Variants in C17orf99 observed in about 807,000 individuals in gnomAD.
C17orf99 encodes the protein protein IL-40.
In C17orf99, 18 loss-of-function variants were observed where a neutral mutation model predicts 22.6. The observed-to-expected ratio is 0.80, with a 90% CI of 0.55 to 1.18. The LOEUF is 1.18. C17orf99 is among the 50% of genes most tolerant of loss of function. C17orf99 has a pLI of 0.00. For synonymous variants in C17orf99, 147 were observed against 136.6 expected, an observed-to-expected ratio of 1.08 and a Z score of -0.53; for missense variants, 328 against 342.7, an observed-to-expected ratio of 0.96 and a Z score of 0.34.
chr17:78,157,868 G>A lies in C17orf99; in HGVS notation c.71-3087G>A, dbSNP rs567713866. 13 of 1,062,654 alleles carry A rather than the reference G, an allele frequency of 1.2e-5. No homozygotes were observed. The African/African-American group carries it at 1.4e-4, about 11-fold the overall frequency. 65.8% of individuals were successfully genotyped at this position (1,062,654 alleles called of 1,614,324 possible). On this transcript the variant is annotated intron_variant, in intron 2 of 4. Transcript: ENST00000340363. ...CAAAGGCCGGCCACGTAAGATCGTC[G>A]AGATGTCTACTTCGATGACTGGCAA... is the stretch of plus-strand genomic sequence containing the variant.
chr17:78,145,873 G>A (rs2075434225), upstream of C17orf99, among the ~76,000 whole-genome samples: 3 of 145,582 alleles, frequency 2.1e-5, no homozygotes, highest in Non-Finnish European at 4.4e-5. Flanking sequence ...TTGGCTCACT[G>A]CAACCTCCGC....
In C17orf99 at chr17:78,160,737, C is replaced by A. The variant is rs1453757536; in HGVS notation, c.71-218C>A. The A allele has an allele frequency of 5.4e-6, 3 of 556,944 alleles. No individual in the cohort carries two copies. In the South Asian group the frequency reaches 6.3e-5, roughly 12 times the overall value. The allele number at this position is 556,944 out of a possible 1,614,324, so 34.5% of individuals were successfully genotyped here. A position where few individuals can be genotyped will look rare whatever the true frequency, so the allele number is the denominator to read the frequency against. On this transcript the variant is annotated intron_variant, in intron 2 of 4. Coordinates refer to ENST00000340363, the MANE Select transcript of C17orf99 (RefSeq NM_001163075.2). The stretch of plus-strand genomic sequence containing the variant: ...TAGCAGGGATTACAGGTGGGCACCA[C>A]CACGCCCGGCTAATTTTTGTATTTT...
At chr17:78,149,362 G>T (rs1235618849) in intron 2 of C17orf99, among the ~76,000 whole-genome samples, 1 of 132,616 alleles carries the variant, frequency 7.5e-6, no homozygotes. Flanking sequence ...AAAAAAAAAA[G>T]GCGCCAGTCC....
upstream of C17orf99, among the ~76,000 whole-genome samples, chr17:78,146,034 C>T (rs1456346908): frequency 2.0e-5 from 3 of 152,244 alleles, no homozygotes; most frequent in African/African-American, 7.2e-5. The surrounding 1 kb of genome is among the most constrained non-coding windows in gnomAD (Gnocchi z 5.2). Flanking sequence ...GTGATCCGCC[C>T]ATCCAGGCCT....
chr17:78,160,740 C>G, intron 2 of C17orf99: 1 of 559,514 alleles, frequency 1.8e-6, no homozygotes, highest in South Asian at 2.1e-5. Flanking sequence ...GGCACCACCA[C>G]GCCCGGCTAA....
intron 2 of C17orf99, among the ~76,000 whole-genome samples, chr17:78,159,344 A>G (rs1282379578): frequency 6.6e-6 from 1 of 152,062 alleles, no homozygotes; most frequent in African/African-American, 2.4e-5. Context: ...CTTTAAATAA[A>G]TAAATAAAAG....
At chr17:78,155,046 G>C (rs1034787360) in intron 2 of C17orf99, among the ~76,000 whole-genome samples, 8 of 151,956 alleles carry the variant, frequency 5.3e-5, no homozygotes, top group Non-Finnish European at 1.2e-4. Context: ...CATTCTTCGC[G>C]GTGGGGGCTG....
chr17:78,153,217 G>C (rs1268049164), intron 2 of C17orf99, among the ~76,000 whole-genome samples: 1 of 152,108 alleles, frequency 6.6e-6, no homozygotes, highest in East Asian at 1.9e-4. Flanking sequence ...GGGGACGGTG[G>C]CTCACCCTGT....
intron 2 of C17orf99, among the ~76,000 whole-genome samples, chr17:78,152,312 G>A (rs1406914322): frequency 6.7e-6 from 1 of 150,056 alleles, no homozygotes; most frequent in African/African-American, 2.5e-5. Flanking sequence ...TGAGTAGCTG[G>A]TGCATACCAC....
chr17:78,162,391 T>C (rs1365907762), intron 3 of C17orf99, among the ~76,000 whole-genome samples: 1 of 151,604 alleles, frequency 6.6e-6, no homozygotes, highest in Non-Finnish European at 1.5e-5. Flanking sequence ...TCCATCCTGA[T>C]AGTAACTCAG....
At chr17:78,162,559 C>T (rs2075586389) in intron 3 of C17orf99, among the ~76,000 whole-genome samples, 2 of 152,096 alleles carry the variant, frequency 1.3e-5, no homozygotes, top group Non-Finnish European at 2.9e-5. Flanking sequence ...TGCAGCCCAA[C>T]GGGTCCAAGG....
chr17:78,157,164 T>C (rs1019409412), intron 2 of C17orf99, among the ~76,000 whole-genome samples: 2 of 151,140 alleles, frequency 1.3e-5, no homozygotes, highest in Non-Finnish European at 2.9e-5. Flanking sequence ...ACTCCGTCTC[T>C]ACTAAAAATA....
chr17:78,157,513 T>C (rs932328764), intron 2 of C17orf99: 6 of 1,144,302 alleles, frequency 5.2e-6, no homozygotes, highest in African/African-American at 1.7e-5. Context: ...AAAATGACTT[T>C]GTAGGCCGGG....
intron 2 of C17orf99, among the ~76,000 whole-genome samples, chr17:78,153,980 C>T (rs188828822): frequency 5.7e-4 from 72 of 126,552 alleles, no homozygotes; most frequent in African/African-American, 2.0e-3. Context: ...GGCTGGAGTA[C>T]AGCAGCACAA....
At chr17:78,165,286 G>GC in intron 4 of C17orf99, 2 of 986,274 alleles carry the variant, frequency 2.0e-6, no homozygotes, top group Non-Finnish European at 2.4e-6. Flanking sequence ...TCTGCCCGTG[G>GC]CCCAGGCCCT....
At chr17:78,149,987 G>A (rs528182880) in intron 2 of C17orf99, among the ~76,000 whole-genome samples, 14 of 151,638 alleles carry the variant, frequency 9.2e-5, no homozygotes, top group Non-Finnish European at 1.8e-4. Flanking sequence ...GGGATTACAG[G>A]CGAGAGCCAC....
Position 78,164,221 on chromosome 17 carries a change from G to C in C17orf99, c.497G>C (p.Gly166Ala). The C allele has an allele frequency of 6.4e-7, 1 of 1,551,560 alleles. No individual in the cohort carries two copies. The highest frequency in any genetic ancestry group is 8.7e-7 in the Non-Finnish European group (1 of 1,147,002). Residue 166 changes from glycine (G) to alanine (A), a missense_variant, in exon 4 of 5, where the codon GGG (glycine) becomes GCG (alanine). By Grantham distance (60) the Gly-to-Ala change is moderately conservative. Coordinates refer to ENST00000340363, the MANE Select transcript of C17orf99 (RefSeq NM_001163075.2). ...PITNSLIGKDGQVHLQQRPCH... is the reference protein window; with the variant it reads ...PITNSLIGKDAQVHLQQRPCH... ...ACCAACAGCCTGATCGGGAAGGATG[G>C]GCAGGTCCACCTGCAGCAGAGACCA...
At chr17:78,157,798 GAAAAAAAAAA>G (rs60891763) in intron 2 of C17orf99, 35 of 383,132 alleles carry the variant, frequency 9.1e-5, no homozygotes, top group East Asian at 4.1e-4. Flanking sequence ...CTCTGTCTCG[GAAAAAAAAAA>G]AAAAAAAAAA....
rs184112154 is a variant in C17orf99, at chr17:78,158,290, C to A, written c.71-2665C>A. The stretch of plus-strand genomic sequence containing the variant: ...TGCCCTGGTCCTAGGCTGCTGGACT[C>A]CTCCTACACATTTTTTTTTTTTGAG... On this transcript the variant is annotated intron_variant, in intron 2 of 4. Coordinates refer to ENST00000340363, the MANE Select transcript of C17orf99 (RefSeq NM_001163075.2). The A allele has an allele frequency of 1.8e-5, 8 of 437,672 alleles. No homozygotes were observed. The East Asian group carries it at 4.1e-4, about 23-fold the overall frequency. The allele number at this position is 437,672 out of a possible 1,614,324, so 27.1% of individuals were successfully genotyped here.
Sources: allele counts gnomAD v4.1 joint callset (sites outside exome capture counted in the v4.1 genomes callset), GRCh38; gene constraint gnomAD v4.1.1; non-coding constraint Gnocchi (gnomAD v3.1); transcripts MANE v1.5; gene names NCBI Gene and HGNC (gene_info 2026-07-23, HGNC 2026-07-21).